SLC22A16: variants seen among roughly 807,000 people sequenced by gnomAD.
SLC22A16 encodes WUGSC:RG331P03.1.
A neutral mutation model predicts 52.9 loss-of-function variants in SLC22A16; 53 were observed. That is an observed-to-expected ratio of 1.00 (90% CI 0.80 to 1.26). SLC22A16 has a LOEUF of 1.26. Ranked by LOEUF, SLC22A16 falls within the 50% of genes most tolerant of loss-of-function variation. The pLI is 0.00. For synonymous variants in SLC22A16, 291 were observed against 268.8 expected (o/e 1.08, Z -0.81); for missense variants, 726 against 704.0 (o/e 1.03, Z -0.35).
At position 110,424,770 on chromosome 6, in the gene SLC22A16, A is replaced by G; in HGVS notation, c.*103T>C. 1.6e-6 allele frequency: 2 copies of G among 1,279,630 alleles called. No individual in the cohort carries two copies. The highest frequency in any genetic ancestry group is 2.5e-5 in the Admixed American group (1 of 40,294). The allele number at this position is 1,279,630 out of a possible 1,614,324, so 79.3% of individuals were successfully genotyped here. A position where few individuals can be genotyped will look rare whatever the true frequency, so the allele number is the denominator to read the frequency against. ...AAAATTTTCTTACAAAATTTATTAA[A>G]AAGACATACAAACAACATATGGGAG... On this transcript the variant is annotated 3_prime_UTR_variant, in exon 8 of 8. Coordinates refer to ENST00000368919, the MANE Select transcript of SLC22A16 (RefSeq NM_033125.4).
At chr6:110,475,202 T>C (rs7768422) in intron 1 of SLC22A16, among the ~76,000 whole-genome samples, 28,254 of 152,022 alleles carry the variant, frequency 0.19, 4,473 homozygotes, top group African/African-American at 0.42. Context: ...TTGGCCCAGC[T>C]GAGGAGCCGT....
chr6:110,454,632 A>T (rs12193889), intron 2 of SLC22A16, among the ~76,000 whole-genome samples: 3 of 50,120 alleles, frequency 6.0e-5, no homozygotes, highest in African/African-American at 3.1e-4. Flanking sequence ...ATATATATTT[A>T]TATATATTAT....
chr6:110,441,319 C>G (rs1323912872), intron 4 of SLC22A16, among the ~76,000 whole-genome samples: 2 of 152,210 alleles, frequency 1.3e-5, no homozygotes, highest in Non-Finnish European at 2.9e-5. Flanking sequence ...GGTGCCAAAA[C>G]AGTTGTGCCC....
intron 1 of SLC22A16, among the ~76,000 whole-genome samples, chr6:110,460,246 T>G (rs1775818576): frequency 6.6e-6 from 1 of 152,208 alleles, no homozygotes; most frequent in Non-Finnish European, 1.5e-5. Flanking sequence ...CTTTTTGGTC[T>G]CAAGAGCCTC....
intron 6 of SLC22A16, among the ~76,000 whole-genome samples, chr6:110,433,829 A>T (rs534414140): frequency 6.6e-6 from 1 of 152,324 alleles, no homozygotes; most frequent in Admixed American, 6.5e-5. Flanking sequence ...GCAGATAGGA[A>T]ACTATTACGG....
chr6:110,455,708 T>C (rs1775623236), intron 2 of SLC22A16: 1 of 152,204 alleles, frequency 6.6e-6, no homozygotes, highest in Admixed American at 6.5e-5. Flanking sequence ...AAAATTCATG[T>C]TGAAACTTAA....
rs1377810719 is a variant in SLC22A16 at position 110,424,944 on chromosome 6, G to C, written c.1663C>G (p.Leu555Val). 4 of 1,614,126 alleles carry C rather than the reference G, an allele frequency of 2.5e-6. No homozygotes were observed. The South Asian group carries it at 3.3e-5, about 13-fold the overall frequency. The stretch of plus-strand genomic sequence containing the variant: ...TCCAGCCCACTATTATTAGTTGTGA[G>C]AAGTAATTTGCTTGACTTGCTTTCA... ...ENESKSSKLLLTTNNSGLEKT... is the reference protein window; with the variant it reads ...ENESKSSKLLVTTNNSGLEKT... The change falls in exon 8 of 8, where the codon CTC becomes GTC. Residue 555 changes from leucine to valine, a missense_variant. Physicochemically the swap from Leu to Val is conservative, Grantham distance 32. Transcript: ENST00000368919.
intron 5 of SLC22A16, among the ~76,000 whole-genome samples, chr6:110,437,214 T>C (rs962181585): frequency 6.6e-6 from 1 of 152,222 alleles, no homozygotes; most frequent in Non-Finnish European, 1.5e-5. Context: ...CATTATCACC[T>C]GGGGAAAAAT....
rs369769480 is a variant in SLC22A16 at position 110,442,711 on chromosome 6, C to T, written c.716G>A (p.Arg239Gln). The T allele has an allele frequency of 2.7e-5, 43 of 1,613,998 alleles. 2 individuals are homozygous for T. The highest frequency in any genetic ancestry group is 1.7e-4 in the African/African-American group (13 of 74,892). The change falls in exon 4 of 8, where the codon CGG becomes CAG. Residue 239 changes from arginine to glutamine, a missense_variant. Arg to Gln is a conservative substitution (Grantham distance 43). Coordinates refer to ENST00000368919, the MANE Select transcript of SLC22A16 (RefSeq NM_033125.4). ...YVMEFIGMKS[R>Q]TWASVHLHSF... Reference sequence around the variant, plus strand: ...ATGCAAATGGACAGACGCCCATGTCCGAGACTTCATGCCAATGAATTCCAT... The same window carrying T: ...ATGCAAATGGACAGACGCCCATGTCTGAGACTTCATGCCAATGAATTCCAT...
intron 7 of SLC22A16, among the ~76,000 whole-genome samples, chr6:110,428,559 A>C (rs1205989381): frequency 1.3e-5 from 2 of 152,216 alleles, no homozygotes; most frequent in African/African-American, 2.4e-5. Context: ...CTCATCTGTA[A>C]AATGAAGAGA....
At position 110,435,954 on chromosome 6, in the gene SLC22A16, T is replaced by C. The variant is rs368581594; in HGVS notation, c.1319A>G (p.Tyr440Cys). The C allele has an allele frequency of 1.9e-6, 3 of 1,612,176 alleles. No homozygotes were observed. The highest frequency in any genetic ancestry group is 1.3e-5 in the African/African-American group (1 of 74,876). ...GVVMVIPQKH[Y>C]ILGVVTAMVG... ...CATAGCTGTCACCACACCCAAAATA[T>C]AATGTTTCTGAAAAAAATTTAGCAG... The change falls in exon 6 of 8, where the codon TAT becomes TGT. Residue 440 changes from tyrosine (Y) to cysteine (C), a missense_variant. By Grantham distance (194) the Tyr-to-Cys change is radical. Transcript: ENST00000368919.
chr6:110,454,120 G>T (rs889689027), intron 2 of SLC22A16, among the ~76,000 whole-genome samples: 4 of 152,088 alleles, frequency 2.6e-5, no homozygotes, highest in Non-Finnish European at 5.9e-5. Context: ...GCCACACTGG[G>T]GATCAAATTT....
chr6:110,448,159 G>T (rs1665590393), intron 2 of SLC22A16, among the ~76,000 whole-genome samples: 1 of 152,124 alleles, frequency 6.6e-6, no homozygotes, highest in Non-Finnish European at 1.5e-5. Flanking sequence ...CCCACTACTT[G>T]TTACTGTCTG....
chr6:110,458,213 G>A (rs1263407069), intron 1 of SLC22A16, among the ~76,000 whole-genome samples: 5 of 152,108 alleles, frequency 3.3e-5, no homozygotes, highest in Non-Finnish European at 7.4e-5. Flanking sequence ...CACTGGACAC[G>A]TGACCCACGT....
chr6:110,456,757 T>C lies in SLC22A16; in HGVS notation c.314A>G (p.Lys105Arg), dbSNP rs1445100058. The C allele has an allele frequency of 2.5e-6, 4 of 1,614,078 alleles. No individual in the cohort carries two copies. In the African/African-American group the frequency reaches 4.0e-5, roughly 16 times the overall value. Residue 105 changes from lysine to arginine, a missense_variant, in exon 2 of 8, where the codon AAG (lysine) becomes AGG (arginine). Transcript: ENST00000368919. Reference protein sequence around the residue: ...IWELSRCSRNKRENTSSLGYE... With the variant: ...IWELSRCSRNRRENTSSLGYE... ...GCCCAAACTCGATGTGTTCTCCCTC[T>C]TATTCCTGCTACACCTTGAGAGCTC... is the stretch of plus-strand genomic sequence containing the variant.
intron 1 of SLC22A16, among the ~76,000 whole-genome samples, chr6:110,465,206 A>G (rs1776020946): frequency 6.6e-6 from 1 of 152,116 alleles, no homozygotes; most frequent in South Asian, 2.1e-4. Context: ...AATGGGGAAA[A>G]GTAAAATGCA....
intron 1 of SLC22A16, among the ~76,000 whole-genome samples, chr6:110,463,578 AC>A (rs1170536011): frequency 6.7e-6 from 1 of 150,354 alleles, no homozygotes; most frequent in African/African-American, 2.4e-5. Flanking sequence ...GTCTAATTCA[AC>A]AAAAAGATTT....
intron 2 of SLC22A16, among the ~76,000 whole-genome samples, chr6:110,452,496 AC>A (rs1269131921): frequency 6.6e-6 from 1 of 152,088 alleles, no homozygotes; most frequent in African/African-American, 2.4e-5. Context: ...CATGTTTCAT[AC>A]ATCCTCGTCT....
intron 6 of SLC22A16, among the ~76,000 whole-genome samples, chr6:110,434,738 G>A (rs941368992): frequency 1.3e-5 from 2 of 152,128 alleles, no homozygotes; most frequent in Admixed American, 6.5e-5. Context: ...CCAACACTTT[G>A]GGAGGCCAAG....
Sources: gnomAD v4.1 joint callset for allele counts (sites outside exome capture counted in the v4.1 genomes callset) on GRCh38, gnomAD v4.1.1 for gene constraint, MANE v1.5 for transcripts, NCBI Gene and HGNC (gene_info 2026-07-23, HGNC 2026-07-21) for gene names.